Variants in ARHGAP35 observed in about 807,000 individuals in gnomAD.
ARHGAP35 encodes rho GTPase-activating protein 35.
ARHGAP35 carries 15 observed loss-of-function variants against 111.1 expected under a neutral mutation model. The observed-to-expected ratio is 0.13, with a 90% CI of 0.09 to 0.21. The LOEUF (loss-of-function observed/expected upper bound fraction) is 0.21, where lower values mean the gene tolerates loss of function less well. Among genes scored for constraint, ARHGAP35 ranks in the 10% least tolerant of loss-of-function variants. ARHGAP35 has a pLI of 1.00. For missense variants in ARHGAP35, 1,262 were observed against 1,873.0 expected (o/e 0.67, Z 6.02); for synonymous variants, 643 against 710.3 (o/e 0.91, Z 1.51).
intron 2 of ARHGAP35, among the ~76,000 whole-genome samples, chr19:46,934,001 C>T (rs1476483104): frequency 6.6e-6 from 1 of 152,142 alleles, no homozygotes; most frequent in Non-Finnish European, 1.5e-5. Flanking sequence ...TAGAAGGAGG[C>T]TTTAAGGTGA....
At position 46,875,475 on chromosome 19, in the gene ARHGAP35, G is replaced by C. The variant is rs555626012; in HGVS notation, c.-189+14266G>C. Among the ~76,000 whole-genome samples the C allele has an allele frequency of 5.9e-4, 90 of 152,222 alleles. 1 individual carries two copies. Among genetic ancestry groups the C allele is most frequent in the Middle Eastern group, 3.4e-3 (1 of 294 alleles). On this transcript the variant is annotated intron_variant, in intron 1 of 6. Coordinates refer to ENST00000672722, the MANE Select transcript of ARHGAP35 (RefSeq NM_004491.5). Reference sequence around the variant, plus strand: ...AATAGATGAAGTCTGTCGCCTTTCAGTCTTCAGATTCTTGGGATTCCTCAA... The same window carrying C: ...AATAGATGAAGTCTGTCGCCTTTCACTCTTCAGATTCTTGGGATTCCTCAA...
intron 3 of ARHGAP35, among the ~76,000 whole-genome samples, chr19:46,941,978 A>G (rs1422148376): frequency 6.6e-6 from 1 of 151,860 alleles, no homozygotes; most frequent in Non-Finnish European, 1.5e-5. Context: ...AAATGACCAT[A>G]TATTTCCCCT....
intron 3 of ARHGAP35, among the ~76,000 whole-genome samples, chr19:46,952,447 G>T (rs778666230): frequency 6.6e-6 from 1 of 152,130 alleles, no homozygotes; most frequent in Non-Finnish European, 1.5e-5. Context: ...TGAATGATTC[G>T]CTGTTTCTCC....
rs375377077 is a variant in ARHGAP35, at chr19:46,920,226, G to T, written c.1551G>T (p.Met517Ile). The change falls in exon 2 of 7, where the codon ATG (methionine) becomes ATT (isoleucine). Residue 517 changes from methionine (M) to isoleucine (I), a missense_variant. Met to Ile is a conservative substitution (Grantham distance 10). Around this residue, in one of 8 missense-constraint regions of ARHGAP35, gnomAD observed 328 missense variants for 440.8 expected, o/e 0.74. Transcript: ENST00000672722. This position sits in a 1 kb window ranked among gnomAD's most constrained non-coding sequence, Gnocchi z 7.0. ...ATGCTAAGCCCAGCAAGGAGAAGAT[G>T]GGTGTTATTCAGGATGTTCTGGGAG... ...ELDAKPSKEK[M>I]GVIQDVLGEE... 9 of 1,613,838 alleles carry T rather than the reference G, an allele frequency of 5.6e-6. No homozygotes were observed. The highest frequency in any genetic ancestry group is 6.8e-6 in the Non-Finnish European group (8 of 1,179,870).
At position 46,920,504 on chromosome 19, in the gene ARHGAP35, G is replaced by A; in HGVS notation, c.1829G>A (p.Arg610Gln). 2 of 1,613,984 alleles carry A rather than the reference G, an allele frequency of 1.2e-6. No homozygotes were observed. The highest frequency in any genetic ancestry group is 1.7e-5 in the Admixed American group (1 of 60,020). The change falls in exon 2 of 7, where the codon CGA becomes CAA. Residue 610 changes from arginine (R) to glutamine (Q), a missense_variant. Arg to Gln is a conservative substitution (Grantham distance 43). Around this residue, in one of 8 missense-constraint regions of ARHGAP35, gnomAD observed 37 missense variants for 83.9 expected, o/e 0.44. Coordinates refer to ENST00000672722, the MANE Select transcript of ARHGAP35 (RefSeq NM_004491.5). The surrounding 1 kb of genome is among the most constrained non-coding windows in gnomAD (Gnocchi z 7.0). ...ATATTGGGCAAAGACGGCCTTGCCC[G>A]AGAGTTGGCCAATGAGATTCGAGCT... ...LVILGKDGLA[R>Q]ELANEIRALC...
Position 46,989,465 on chromosome 19 carries a change from C to A in ARHGAP35, c.3905-79C>A. 1.9e-6 allele frequency: 3 copies of A among 1,576,304 alleles called. No individual in the cohort carries two copies. Among genetic ancestry groups the A allele is most frequent in the Non-Finnish European group, 2.6e-6 (3 of 1,156,048 alleles). ...TCTGGCTCCTTGAGGTTTCTCTAGC[C>A]TCTCCTGAGCCCCGAGTTGTCCTGA... On this transcript the variant is annotated intron_variant, in intron 4 of 6. Coordinates refer to ENST00000672722, the MANE Select transcript of ARHGAP35 (RefSeq NM_004491.5). The surrounding 1 kb of genome is among the most constrained non-coding windows in gnomAD (Gnocchi z 5.3).
chr19:46,974,775 T>C (rs1388419139), intron 3 of ARHGAP35, among the ~76,000 whole-genome samples: 5 of 151,984 alleles, frequency 3.3e-5, no homozygotes, highest in Non-Finnish European at 5.9e-5. Context: ...AACCCTCTAA[T>C]AAAGGTTTGG....
intron 3 of ARHGAP35, among the ~76,000 whole-genome samples, chr19:46,972,613 G>A (rs887873360): frequency 6.6e-6 from 1 of 152,146 alleles, no homozygotes; most frequent in Non-Finnish European, 1.5e-5. Context: ...CCCTGTCCTT[G>A]ATTGAAAAAT....
At position 46,892,776 on chromosome 19, in the gene ARHGAP35, G is replaced by A. The variant is rs138211194; in HGVS notation, c.-188-25712G>A. On this transcript the variant is annotated intron_variant, in intron 1 of 6. Coordinates refer to ENST00000672722, the MANE Select transcript of ARHGAP35 (RefSeq NM_004491.5). Reference sequence around the variant, plus strand: ...CTTGTCCTCATAGTTCTTTCCATAGGTTGATTCTGAGTTGGGGCGTCTCTG... The same window carrying A: ...CTTGTCCTCATAGTTCTTTCCATAGATTGATTCTGAGTTGGGGCGTCTCTG... Among the ~76,000 whole-genome samples the A allele has an allele frequency of 2.2e-3, 337 of 151,860 alleles. 1 individual carries two copies. The highest frequency in any genetic ancestry group is 7.6e-3 in the African/African-American group (314 of 41,418).
In ARHGAP35 at chr19:46,951,114, G is replaced by A. The variant is rs8102045; in HGVS notation, c.3826+13706G>A. ...TGCAAATGGAAGCCCTCTATCAAAC[G>A]GCCTTTGCCAGAATACTTAGGCTGT... On this transcript the variant is annotated intron_variant, in intron 3 of 6. Transcript: ENST00000672722. Among the ~76,000 whole-genome samples, 426 of 152,334 alleles carry A rather than the reference G, an allele frequency of 2.8e-3. 2 individuals carry two copies. The highest frequency in any genetic ancestry group is 9.7e-3 in the African/African-American group (404 of 41,582).
chr19:46,995,881 G>C (rs950571888), intron 5 of ARHGAP35, among the ~76,000 whole-genome samples: 10 of 152,218 alleles, frequency 6.6e-5, no homozygotes, highest in Admixed American at 1.3e-4. Context: ...TCACAAGGTC[G>C]ACCTTGCTTT....
At chr19:46,976,622 C>G (rs1362201528) in intron 3 of ARHGAP35, among the ~76,000 whole-genome samples, 1 of 152,248 alleles carries the variant, frequency 6.6e-6, no homozygotes, top group East Asian at 1.9e-4. Context: ...TGGTGGGGAG[C>G]TCGGGCAGAC....
At chr19:46,873,636 C>A (rs376822040) in intron 1 of ARHGAP35, among the ~76,000 whole-genome samples, 257 of 131,636 alleles carry the variant, frequency 2.0e-3, no homozygotes, top group South Asian at 2.0e-3. Flanking sequence ...GACTCTTTCT[C>A]AAAAAAAAAA....
intron 3 of ARHGAP35, among the ~76,000 whole-genome samples, chr19:46,978,021 A>C (rs1344101059): frequency 6.6e-6 from 1 of 152,174 alleles, no homozygotes; most frequent in Non-Finnish European, 1.5e-5. Flanking sequence ...TTAGTCACAG[A>C]ACAGAGGTAA....
rs1054044787 is a variant in ARHGAP35, at chr19:47,002,381, A to G, written c.*1693A>G. 3 of 152,740 alleles carry G rather than the reference A, an allele frequency of 2.0e-5. No homozygotes were observed. The highest frequency in any genetic ancestry group is 6.5e-5 in the Admixed American group (1 of 15,312). The allele number at this position is 152,740 out of a possible 1,614,324, so 9.5% of individuals were successfully genotyped here. ...CACTGTCTCCAGTTCTCAATGGCCAACGAAGGTGCTTGGAAACACCTAACC... is the reference window on the plus strand; with the variant it reads ...CACTGTCTCCAGTTCTCAATGGCCAGCGAAGGTGCTTGGAAACACCTAACC... On this transcript the variant is annotated 3_prime_UTR_variant, in exon 7 of 7. Coordinates refer to ENST00000672722, the MANE Select transcript of ARHGAP35 (RefSeq NM_004491.5).
At chr19:46,904,734 G>T (rs879705962) in intron 1 of ARHGAP35, among the ~76,000 whole-genome samples, 1 of 152,184 alleles carries the variant, frequency 6.6e-6, no homozygotes, top group Admixed American at 6.5e-5. Context: ...CAGAGGTGGC[G>T]GGGGAGAGGG....
chr19:46,895,187 G>T (rs373240038), intron 1 of ARHGAP35, among the ~76,000 whole-genome samples: 3 of 147,708 alleles, frequency 2.0e-5, no homozygotes, highest in African/African-American at 5.0e-5. Flanking sequence ...TTTTTGAGAC[G>T]GAGTCTCGCT....
At position 46,908,107 on chromosome 19, in the gene ARHGAP35, G is replaced by A. The variant is rs958817126; in HGVS notation, c.-188-10381G>A. On this transcript the variant is annotated intron_variant, in intron 1 of 6. Coordinates refer to ENST00000672722, the MANE Select transcript of ARHGAP35 (RefSeq NM_004491.5). The surrounding 1 kb of genome is among the most constrained non-coding windows in gnomAD (Gnocchi z 4.2). ...GTTGGCAAGGCACATTTGGCTGGAC[G>A]CAGCCTCCACTCTTCTTGCGTCAGG... is the stretch of plus-strand genomic sequence containing the variant. 1.3e-5 allele frequency among the ~76,000 whole-genome samples: 2 copies of A among 152,116 alleles called. No individual in the cohort carries two copies. Among genetic ancestry groups the A allele is most frequent in the African/African-American group, 2.4e-5 (1 of 41,420 alleles).
intron 1 of ARHGAP35, among the ~76,000 whole-genome samples, chr19:46,864,301 A>T (rs1250681012): frequency 5.3e-5 from 8 of 152,194 alleles, no homozygotes; most frequent in Non-Finnish European, 1.0e-4. Flanking sequence ...TTTTACAGAA[A>T]ATCTGTCCAA....
Sources: gnomAD v4.1 joint callset for allele counts (sites outside exome capture counted in the v4.1 genomes callset) on GRCh38, gnomAD v4.1.1 for gene constraint, gnomAD v4.1.1 regional missense constraint, Gnocchi (gnomAD v3.1) non-coding constraint, MANE v1.5 for transcripts, NCBI Gene and HGNC (gene_info 2026-07-23, HGNC 2026-07-21) for gene names.